The following NHS variants were observed in gnomAD, a reference collection of about 807,000 sequenced individuals.
NHS encodes the protein actin remodeling regulator NHS.
In NHS, 5 loss-of-function variants were observed where a neutral mutation model predicts 72.5. That is an observed-to-expected ratio of 0.07 (90% CI 0.04 to 0.14). NHS has a LOEUF of 0.14. Ranked by LOEUF, NHS falls within the 10% of genes least tolerant of loss-of-function variation. NHS has a pLI of 1.00. For missense variants in NHS, 1,072 were observed against 1,355.7 expected (o/e 0.79, Z 3.29); for synonymous variants, 464 against 547.7 (o/e 0.85, Z 2.13).
intron 1 of NHS, among the ~76,000 whole-genome samples, chrX:17,626,213 T>C (rs1349217217): frequency 8.9e-6 from 1 of 112,168 alleles, no homozygotes. Context: ...CCCTTTGTTC[T>C]TCAGTGCTTA....
At chrX:17,399,283 G>A (rs1365967650) in intron 1 of NHS, among the ~76,000 whole-genome samples, 2 of 110,959 alleles carry the variant, frequency 1.8e-5, no homozygotes, top group African/African-American at 3.3e-5. Context: ...TGTATTTTTA[G>A]TAGAGACAGG....
chrX:17,572,491 CTTTTTTTTTTT>C (rs760577193), intron 1 of NHS, among the ~76,000 whole-genome samples: 1 of 46,772 alleles, frequency 2.1e-5, no homozygotes, highest in Non-Finnish European at 3.5e-5. Flanking sequence ...GCAACCCCTG[CTTTTTTTTTTT>C]TTTTTTTTTT....
Position 17,376,066 on chromosome X carries a change from G to A in NHS, c.309G>A (p.Ala103=). ...GCACGGCGGGGATCCCGGAGGCGGC[G>A]CCCGCAGCCGGCGAGGCGTCCTCGG... ...EESTAGIPEA[A]PAAGEASSAA... is the part of the protein sequence containing the mutation. The change falls in exon 1 of 9, where the codon GCG becomes GCA. Residue 103 remains alanine, a synonymous_variant. Coordinates refer to ENST00000676302, the MANE Select transcript of NHS (RefSeq NM_001291867.2). The A allele has an allele frequency of 9.5e-7, 1 of 1,053,824 alleles. No homozygotes were observed. The allele number at this position is 1,053,824 out of a possible 1,213,427, so 86.8% of individuals were successfully genotyped here.
At chrX:17,650,911 C>G (rs985832567) in intron 1 of NHS, among the ~76,000 whole-genome samples, 13 of 111,906 alleles carry the variant, frequency 1.2e-4, no homozygotes, top group African/African-American at 3.9e-4. Flanking sequence ...TGTTGAAGGA[C>G]AGAACTGGAA....
chrX:17,416,792 A>ATGTGTGTGTGTGTGTG (rs770265000), intron 1 of NHS, among the ~76,000 whole-genome samples: 1 of 95,715 alleles, frequency 1.0e-5, no homozygotes, highest in African/African-American at 3.9e-5. Context: ...ATGTAGGAGT[A>ATGTGTGTGTGTGTGTG]TGTGTGTGTG....
At chrX:17,719,246 A>G in intron 3 of NHS, 98 bp from the exon 4 acceptor site, 13 of 686,755 alleles carry the variant, frequency 1.9e-5, no homozygotes, top group Non-Finnish European at 2.2e-5. Flanking sequence ...TTATCCCAGT[A>G]TATTATTTTA....
intron 2 of NHS, among the ~76,000 whole-genome samples, chrX:17,690,633 C>G (rs755879988): frequency 4.9e-4 from 55 of 112,101 alleles, no homozygotes; most frequent in Non-Finnish European, 9.4e-4. Context: ...ACGTATGCTG[C>G]CCACAAGGAA....
At chrX:17,538,920 T>C (rs1017599196) in intron 1 of NHS, among the ~76,000 whole-genome samples, 6 of 112,320 alleles carry the variant, frequency 5.3e-5, no homozygotes, top group African/African-American at 1.9e-4. Context: ...GCCACTGCCC[T>C]TGTCTTTCTG....
At chrX:17,628,469 A>G (rs1297412140) in intron 1 of NHS, among the ~76,000 whole-genome samples, 1 of 112,981 alleles carries the variant, frequency 8.9e-6, no homozygotes, top group Non-Finnish European at 1.9e-5. Context: ...ATGCATATGC[A>G]TGCTTACACC....
intron 1 of NHS, among the ~76,000 whole-genome samples, chrX:17,682,923 G>A (rs1346441057): frequency 9.0e-6 from 1 of 111,322 alleles, no homozygotes; most frequent in African/African-American, 3.3e-5. Flanking sequence ...CTTCCCAGTC[G>A]TTCATAAAAC....
chrX:17,523,165 T>G (rs888492428), intron 1 of NHS, among the ~76,000 whole-genome samples: 17 of 111,479 alleles, frequency 1.5e-4, no homozygotes, highest in Admixed American at 7.6e-4. Context: ...ATATGGTGAG[T>G]AGGGGTGGTA....
intron 1 of NHS, among the ~76,000 whole-genome samples, chrX:17,540,500 T>G (rs1432722544): frequency 8.9e-6 from 1 of 111,956 alleles, no homozygotes; most frequent in Non-Finnish European, 1.9e-5. Flanking sequence ...ATACAGCATG[T>G]GACTTTGTTA....
At chrX:17,607,827 C>A (rs375052885) in intron 1 of NHS, among the ~76,000 whole-genome samples, 7 of 110,151 alleles carry the variant, frequency 6.4e-5, no homozygotes, top group Non-Finnish European at 1.1e-4. Context: ...GTCGACAGTG[C>A]AGCCCTAGAA....
At chrX:17,378,529 C>T (rs1174359205) in intron 1 of NHS, among the ~76,000 whole-genome samples, 1 of 111,712 alleles carries the variant, frequency 9.0e-6, no homozygotes, top group African/African-American at 3.3e-5. Flanking sequence ...TATTATGTGT[C>T]TTGGTTTAGG....
intron 1 of NHS, among the ~76,000 whole-genome samples, chrX:17,606,870 G>A (rs141641742): frequency 3.6e-5 from 4 of 112,251 alleles, no homozygotes; most frequent in African/African-American, 1.3e-4. Context: ...AACATTTATC[G>A]AGCACTTATA....
chrX:17,551,095 C>T, intron 1 of NHS, among the ~76,000 whole-genome samples: 1 of 111,907 alleles, frequency 8.9e-6, no homozygotes. Flanking sequence ...TTGTCACCTG[C>T]TAGGCTCTCT....
At chrX:17,417,955 G>A (rs1172284383) in intron 1 of NHS, among the ~76,000 whole-genome samples, 2 of 112,099 alleles carry the variant, frequency 1.8e-5, no homozygotes, top group Non-Finnish European at 3.8e-5. Context: ...ATTTGGAGAT[G>A]CCTCATTTTA....
At position 17,376,180 on chromosome X, in the gene NHS, C is replaced by G. The variant is rs1007584631; in HGVS notation, c.423C>G (p.Asp141Glu). The change falls in exon 1 of 9, where the codon GAC (aspartate) becomes GAG (glutamate). Residue 141 changes from aspartate (D) to glutamate (E), a missense_variant. Asp to Glu is a conservative substitution (Grantham distance 45, BLOSUM62 2). Coordinates refer to ENST00000676302, the MANE Select transcript of NHS (RefSeq NM_001291867.2). ...CCCGTGTCCTCCGGCAGCTCTCGGA[C>G]GTGGCCCGGCACGCTTGCAGCCTCT... ...ALARVLRQLS[D>E]VARHACSLFQ... The G allele has an allele frequency of 8.4e-7, 1 of 1,189,260 alleles. No individual in the cohort carries two copies. Among genetic ancestry groups the G allele is most frequent in the African/African-American group, 1.7e-5 (1 of 57,154 alleles).
chrX:17,454,279 T>G (rs2064817317), intron 1 of NHS, among the ~76,000 whole-genome samples: 1 of 111,421 alleles, frequency 9.0e-6, no homozygotes, highest in South Asian at 3.8e-4. Context: ...GTAGATGGGA[T>G]GAAGGAATAA....
Sources: gnomAD v4.1 joint callset for allele counts (sites outside exome capture counted in the v4.1 genomes callset) on GRCh38, gnomAD v4.1.1 for gene constraint, MANE v1.5 for transcripts, NCBI Gene and HGNC (gene_info 2026-07-23, HGNC 2026-07-21) for gene names.